The following RNASEH2A variants were observed in gnomAD, a reference collection of about 807,000 sequenced individuals.
The protein encoded by RNASEH2A is RNase H(35).
RNASEH2A carries 30 observed loss-of-function variants against 32.7 expected under a neutral mutation model. The ratio of observed to expected loss-of-function variants is 0.92; its 90% CI spans 0.69 to 1.25. RNASEH2A has a LOEUF of 1.25. Ranked by LOEUF, RNASEH2A falls within the 50% of genes most tolerant of loss-of-function variation. The pLI, the probability that RNASEH2A is intolerant of heterozygous loss-of-function variation, is 0.00. For missense variants in RNASEH2A, 409 were observed against 398.1 expected (o/e 1.03, Z -0.23); for synonymous variants, 147 against 165.4 (o/e 0.89, Z 0.86).
chr19:12,806,742 G>A lies in RNASEH2A; in HGVS notation c.69G>A (p.Val23=), dbSNP rs397515480. Residue 23 remains valine (V), a synonymous_variant, in exon 1 of 8, where the codon GTG becomes GTA. Coordinates refer to ENST00000221486, the MANE Select transcript of RNASEH2A (RefSeq NM_006397.3). ...GCCTGAGTTCGCCTGTGCCCGCGGT[G>A]TGCCGCAAGGAGCCTTGCGTCCTGG... ...RCRLSSPVPA[V]CRKEPCVLGV... The A allele has an allele frequency of 2.9e-5, 46 of 1,571,192 alleles. No individual in the cohort carries two copies. Among genetic ancestry groups the A allele is most frequent in the Non-Finnish European group, 3.8e-5 (44 of 1,158,110 alleles).
intron 1 of RNASEH2A, 61 bp downstream of exon 1, chr19:12,806,861 CG>C: frequency 6.3e-7 from 1 of 1,593,898 alleles, no homozygotes; most frequent in Non-Finnish European, 8.5e-7. Flanking sequence ...AAACGGGAGT[CG>C]GGATTGCACT....
At chr19:12,806,899 G>A in intron 1 of RNASEH2A, 99 bp downstream of exon 1, 1 of 1,599,002 alleles carries the variant, frequency 6.3e-7, no homozygotes, top group Non-Finnish European at 8.5e-7. Context: ...TGTGGTCGTG[G>A]TGATGGCACC....
At chr19:12,809,066 G>A (rs1387939742) in intron 4 of RNASEH2A, among the ~76,000 whole-genome samples, 2 of 151,708 alleles carry the variant, frequency 1.3e-5, no homozygotes, top group Non-Finnish European at 2.9e-5. Flanking sequence ...TCAGGGCCTA[G>A]CCTGGGCAGA....
chr19:12,810,763 C>T (rs1189266863), intron 6 of RNASEH2A, among the ~76,000 whole-genome samples: 1 of 152,138 alleles, frequency 6.6e-6, no homozygotes, highest in African/African-American at 2.4e-5. Context: ...CTCCTGACCT[C>T]AGGTGATCTG....
chr19:12,813,049 A>G (rs761771408), intron 6 of RNASEH2A, 34 bp from the exon 7 acceptor site: 2 of 1,613,276 alleles, frequency 1.2e-6, no homozygotes, highest in Non-Finnish European at 1.7e-6. Flanking sequence ...TTATGGTGCA[A>G]CTTGGACTGT....
intron 7 of RNASEH2A, 31 bp from the exon 8 acceptor site, chr19:12,813,297 A>G: frequency 2.5e-6 from 4 of 1,614,106 alleles, no homozygotes; most frequent in Non-Finnish European, 3.4e-6. Flanking sequence ...TCCCTGTGTA[A>G]GTGGTCACTG....
intron 6 of RNASEH2A, among the ~76,000 whole-genome samples, chr19:12,811,937 A>G (rs1161180241): frequency 1.3e-5 from 2 of 150,294 alleles, no homozygotes; most frequent in African/African-American, 4.9e-5. Context: ...AATAATAATA[A>G]TAATAATATT....
At chr19:12,809,808 C>T (rs913306397) in intron 4 of RNASEH2A, among the ~76,000 whole-genome samples, 4 of 152,124 alleles carry the variant, frequency 2.6e-5, no homozygotes, top group African/African-American at 9.7e-5. Context: ...AAGATGGGGT[C>T]TCACTGTGTT....
At position 12,813,496 on chromosome 19, in the gene RNASEH2A, C is replaced by G. The variant is rs768240363; in HGVS notation, c.*30C>G. The G allele has an allele frequency of 1.2e-6, 2 of 1,610,262 alleles. No homozygotes were observed. Among genetic ancestry groups the G allele is most frequent in the African/African-American group, 2.7e-5 (2 of 74,910 alleles). On this transcript the variant is annotated 3_prime_UTR_variant, in exon 8 of 8. Coordinates refer to ENST00000221486, the MANE Select transcript of RNASEH2A (RefSeq NM_006397.3). The stretch of plus-strand genomic sequence containing the variant: ...TGCCTCTACGCGCTCTACCTGCTTC[C>G]CCAACCCAGACATTAAAATTGTTTA...
intron 6 of RNASEH2A, among the ~76,000 whole-genome samples, chr19:12,812,074 C>G (rs1488543862): frequency 6.6e-6 from 1 of 151,652 alleles, no homozygotes; most frequent in Non-Finnish European, 1.5e-5. Context: ...CCCATCTCTA[C>G]AAAAAATACA....
rs376343433 is a variant in RNASEH2A at position 12,807,443 on chromosome 19, G to A, written c.348G>A (p.Leu116=). ...LGRVKYNLNS[L]SHDTATGLIQ... ...GGGTCAAATACAACCTGAACTCCCT[G>A]TCACATGATACAGCCACTGGGCTTA... Residue 116 remains leucine (L), a synonymous_variant, in exon 4 of 8, where the codon CTG becomes CTA. Transcript: ENST00000221486. The A allele has an allele frequency of 1.1e-5, 18 of 1,614,096 alleles. No individual in the cohort carries two copies. Among genetic ancestry groups the A allele is most frequent in the African/African-American group, 1.3e-5 (1 of 74,928 alleles).
chr19:12,806,922 G>A, intron 1 of RNASEH2A, 86 bp from the exon 2 acceptor site: 3 of 1,603,290 alleles, frequency 1.9e-6, no homozygotes, highest in Non-Finnish European at 2.6e-6. Flanking sequence ...AAGAAGCAGT[G>A]ATGATAGAAC....
At position 12,813,487 on chromosome 19, in the gene RNASEH2A, A is replaced by T; in HGVS notation, c.*21A>T. On this transcript the variant is annotated 3_prime_UTR_variant, in exon 8 of 8. Coordinates refer to ENST00000221486, the MANE Select transcript of RNASEH2A (RefSeq NM_006397.3). ...TCTAGCAGCTGCCTCTACGCGCTCTACCTGCTTCCCCAACCCAGACATTAA... is the reference window on the plus strand; with the variant it reads ...TCTAGCAGCTGCCTCTACGCGCTCTTCCTGCTTCCCCAACCCAGACATTAA... 1 of 1,611,498 alleles carries T rather than the reference A, an allele frequency of 6.2e-7. No individual in the cohort carries two copies. The highest frequency in any genetic ancestry group is 8.5e-7 in the Non-Finnish European group (1 of 1,179,972).
Position 12,810,160 on chromosome 19 carries a change from A to AGCAGAT in RNASEH2A, c.504_509dup (p.Asp169_Ala170dup). 1 of 1,614,226 alleles carries AGCAGAT rather than the reference A, an allele frequency of 6.2e-7. No homozygotes were observed. The highest frequency in any genetic ancestry group is 8.5e-7 in the Non-Finnish European group (1 of 1,180,044). ...GGATTGAGGTGACGGTCAAGGCCAAAGCAGATGCCCTCTACCCGGTGGTTA... is the reference window on the plus strand; with the variant it reads ...GGATTGAGGTGACGGTCAAGGCCAAAGCAGATGCAGATGCCCTCTACCCGGTGGTTA... On this transcript the variant is annotated inframe_insertion, in exon 5 of 8. Coordinates refer to ENST00000221486, the MANE Select transcript of RNASEH2A (RefSeq NM_006397.3).
intron 6 of RNASEH2A, among the ~76,000 whole-genome samples, chr19:12,811,583 A>T (rs759512319): frequency 6.6e-6 from 1 of 151,084 alleles, no homozygotes; most frequent in African/African-American, 2.4e-5. Context: ...ATGCCACTGC[A>T]CTCCAGCCTT....
rs1280739888 is a variant in RNASEH2A, at chr19:12,813,317, C to G, written c.762-11C>G. 2 of 1,614,154 alleles carry G rather than the reference C, an allele frequency of 1.2e-6. No homozygotes were observed. Among genetic ancestry groups the G allele is most frequent in the Admixed American group, 3.3e-5 (2 of 59,990 alleles). Reference sequence around the variant, plus strand: ...GTGTAAGTGGTCACTGTCATCACCTCTCTCCCACAGGGAGGACTCAGCATC... The same window carrying G: ...GTGTAAGTGGTCACTGTCATCACCTGTCTCCCACAGGGAGGACTCAGCATC... On this transcript the variant is annotated splice_polypyrimidine_tract_variant and intron_variant, in intron 7 of 7. Coordinates refer to ENST00000221486, the MANE Select transcript of RNASEH2A (RefSeq NM_006397.3).
At chr19:12,811,436 C>T (rs550445107) in intron 6 of RNASEH2A, among the ~76,000 whole-genome samples, 233 of 151,672 alleles carry the variant, frequency 1.5e-3, no homozygotes, top group Non-Finnish European at 2.5e-3. Flanking sequence ...ATAGCGAGAC[C>T]CCCATCTCTA....
At chr19:12,808,536 A>G (rs796508820) in intron 4 of RNASEH2A, among the ~76,000 whole-genome samples, 10 of 152,118 alleles carry the variant, frequency 6.6e-5, no homozygotes, top group African/African-American at 2.4e-4. Context: ...ACACCTGCTG[A>G]GTGTCGTCTC....
At chr19:12,811,944 T>C (rs1969079565) in intron 6 of RNASEH2A, among the ~76,000 whole-genome samples, 2 of 150,410 alleles carry the variant, frequency 1.3e-5, no homozygotes, top group Non-Finnish European at 3.0e-5. Flanking sequence ...ATAATAATAA[T>C]ATTTAATGAC....
Sources: allele counts gnomAD v4.1 joint callset (sites outside exome capture counted in the v4.1 genomes callset), GRCh38; gene constraint gnomAD v4.1.1; transcripts MANE v1.5; gene names NCBI Gene and HGNC (gene_info 2026-07-23, HGNC 2026-07-21).